The following ZMYM5 variants were observed in gnomAD, a reference collection of about 807,000 sequenced individuals.
The protein encoded by ZMYM5 is zinc finger MYM-type protein 5.
A neutral mutation model predicts 61.8 loss-of-function variants in ZMYM5; 41 were observed. The observed-to-expected ratio is 0.66, with a 90% CI of 0.52 to 0.86. ZMYM5 has a LOEUF of 0.86. ZMYM5 is among the 40% of genes least tolerant of loss of function. The pLI, the probability that ZMYM5 is intolerant of heterozygous loss-of-function variation, is 0.00. For synonymous variants in ZMYM5, 257 were observed against 276.4 expected, an observed-to-expected ratio of 0.93 and a Z score of 0.70; for missense variants, 706 against 786.7, an observed-to-expected ratio of 0.90 and a Z score of 1.23.
intron 5 of ZMYM5, among the ~76,000 whole-genome samples, chr13:19,838,203 CCT>C (rs1314297795): frequency 6.6e-6 from 1 of 152,058 alleles, no homozygotes; most frequent in Non-Finnish European, 1.5e-5. Flanking sequence ...ATGATGAAAC[CCT>C]GTCTCTACTA....
intron 6 of ZMYM5, 104 bp downstream of exon 6, chr13:19,837,552 T>C (rs1339562220): frequency 1.2e-6 from 2 of 1,608,382 alleles, no homozygotes; most frequent in African/African-American, 1.3e-5. Context: ...ATGTTATACA[T>C]CCAGAACACG....
intron 7 of ZMYM5, among the ~76,000 whole-genome samples, chr13:19,831,959 G>T (rs891816525): frequency 3.3e-5 from 5 of 151,102 alleles, no homozygotes; most frequent in Non-Finnish European, 7.4e-5. Flanking sequence ...AGGTTCAAGC[G>T]ATTCTCTTGC....
Position 19,825,098 on chromosome 13 carries a change from C to T in ZMYM5, c.1389G>A (p.Lys463=). Residue 463 remains lysine, a synonymous_variant, in exon 8 of 8, where the codon AAG becomes AAA. Coordinates refer to ENST00000337963, the MANE Select transcript of ZMYM5 (RefSeq NM_001142684.2). ...AAAGCTGTAGCTGTGAAGTCTTTTC[C>T]TTTTTTTCTGGGATTCCCTCTATTT... is the stretch of plus-strand genomic sequence containing the variant. The part of the protein sequence containing the change: ...LKKIEGIPEK[K]EKTSQLQLSV... 7.3e-7 allele frequency: 1 copy of T among 1,367,014 alleles called. No individual in the cohort carries two copies. Among genetic ancestry groups the T allele is most frequent in the Non-Finnish European group, 9.8e-7 (1 of 1,021,612 alleles). 84.7% of individuals were successfully genotyped at this position (1,367,014 alleles called of 1,614,324 possible).
Position 19,830,399 on chromosome 13 carries a change from G to A in ZMYM5, c.1251+5078C>T, listed in dbSNP as rs986006295. 5.3e-5 allele frequency among the ~76,000 whole-genome samples: 8 copies of A among 152,194 alleles called. No homozygotes were observed. In the South Asian group the frequency reaches 1.5e-3, roughly 28 times the overall value. On this transcript the variant is annotated intron_variant, in intron 7 of 7. Transcript: ENST00000337963. Reference sequence around the variant, plus strand: ...AATTAATTTATTATTTTTTGAGACAGGGTCTTACTCCGTTGCTCAGGTTGA... The same window carrying A: ...AATTAATTTATTATTTTTTGAGACAAGGTCTTACTCCGTTGCTCAGGTTGA...
intron 7 of ZMYM5, among the ~76,000 whole-genome samples, chr13:19,831,867 T>C (rs1891243095): frequency 6.6e-6 from 1 of 151,778 alleles, no homozygotes; most frequent in Non-Finnish European, 1.5e-5. Context: ...TTTCTTCTTT[T>C]GTTTTTGAGA....
chr13:19,849,325 C>A (rs1022921832), intron 4 of ZMYM5, among the ~76,000 whole-genome samples: 1 of 152,042 alleles, frequency 6.6e-6, no homozygotes, highest in Non-Finnish European at 1.5e-5. Flanking sequence ...GTCTTCGCTA[C>A]GTTACTGAGG....
Position 19,838,934 on chromosome 13 carries a change from C to A in ZMYM5, c.638G>T (p.Gly213Val), listed in dbSNP as rs1263930110. 2 of 1,613,958 alleles carry A rather than the reference C, an allele frequency of 1.2e-6. No homozygotes were observed. The highest frequency in any genetic ancestry group is 1.7e-6 in the Non-Finnish European group (2 of 1,180,030). Reference sequence around the variant, plus strand: ...GGCCACTGGTGATAAAGAATCCACCCCTGGCTGTTTCTGATTACTGGGAAA... The same window carrying A: ...GGCCACTGGTGATAAAGAATCCACCACTGGCTGTTTCTGATTACTGGGAAA... ...ASFPSNQKQP[G>V]VDSLSPVALL... Residue 213 changes from glycine (G) to valine (V), a missense_variant, in exon 5 of 8, where the codon GGG (glycine) becomes GTG (valine). By Grantham distance (109) the Gly-to-Val change is moderately radical. This residue lies in a region of ZMYM5 where 480 missense variants were observed against 461.7 expected (regional missense o/e 1.04). Coordinates refer to ENST00000337963, the MANE Select transcript of ZMYM5 (RefSeq NM_001142684.2).
In ZMYM5 at chr13:19,832,452, G is replaced by A. The variant is rs373167905; in HGVS notation, c.1251+3025C>T. ...AGTGATTCTCTTTCCTCAGCCTCCC[G>A]AGTAGTTGGGATTACAGGCACACAA... is the stretch of plus-strand genomic sequence containing the variant. On this transcript the variant is annotated intron_variant, in intron 7 of 7. Coordinates refer to ENST00000337963, the MANE Select transcript of ZMYM5 (RefSeq NM_001142684.2). 5.3e-5 allele frequency among the ~76,000 whole-genome samples: 8 copies of A among 151,782 alleles called. No homozygotes were observed. In the South Asian group the frequency reaches 1.0e-3, roughly 20 times the overall value.
At chr13:19,837,359 G>A (rs940142430) in intron 6 of ZMYM5, 130 of 1,287,392 alleles carry the variant, frequency 1.0e-4, no homozygotes, top group Non-Finnish European at 1.3e-4. Flanking sequence ...CAACTCTTGA[G>A]ACTACATTTT....
intron 7 of ZMYM5, among the ~76,000 whole-genome samples, chr13:19,827,478 A>C (rs1455477314): frequency 6.6e-6 from 1 of 152,202 alleles, no homozygotes; most frequent in Non-Finnish European, 1.5e-5. Context: ...TAATTGAAAC[A>C]ATGTGCTTAA....
intron 2 of ZMYM5, among the ~76,000 whole-genome samples, chr13:19,859,658 T>G (rs1482417429): frequency 1.3e-4 from 19 of 151,914 alleles, no homozygotes; most frequent in Admixed American, 1.1e-3. Flanking sequence ...CTGCCCACCT[T>G]GGCCTCCCAA....
At chr13:19,825,444 A>G (rs1890865266) in intron 7 of ZMYM5, among the ~76,000 whole-genome samples, 1 of 151,802 alleles carries the variant, frequency 6.6e-6, no homozygotes, top group African/African-American at 2.4e-5. Flanking sequence ...CAGGAGTTCG[A>G]GAACAAGTCT....
intron 2 of ZMYM5, 62 bp downstream of exon 2, chr13:19,862,337 C>T (rs1953798261): frequency 6.6e-6 from 1 of 151,846 alleles, no homozygotes. Flanking sequence ...AGGAAGAACA[C>T]CCTACTACTG....
chr13:19,856,130 A>G (rs924243070), intron 2 of ZMYM5, among the ~76,000 whole-genome samples: 14 of 152,344 alleles, frequency 9.2e-5, no homozygotes, highest in African/African-American at 3.4e-4. Flanking sequence ...ACACAAGACC[A>G]TAAGAAAATT....
intron 7 of ZMYM5, among the ~76,000 whole-genome samples, chr13:19,832,602 A>G (rs1221187769): frequency 6.6e-6 from 1 of 152,174 alleles, no homozygotes; most frequent in Non-Finnish European, 1.5e-5. Flanking sequence ...CATGGATTAC[A>G]GACATGAGCC....
At chr13:19,860,430 TTGTGTG>T (rs760244753) in intron 2 of ZMYM5, among the ~76,000 whole-genome samples, 2 of 133,594 alleles carry the variant, frequency 1.5e-5, no homozygotes, top group Admixed American at 1.5e-4. Flanking sequence ...CCGGCTAATT[TTGTGTG>T]TGTGTGTGTG....
intron 2 of ZMYM5, among the ~76,000 whole-genome samples, chr13:19,852,727 A>C (rs1483958601): frequency 6.6e-6 from 1 of 152,238 alleles, no homozygotes. Context: ...AGAAAATAAA[A>C]TTATCAAAAC....
chr13:19,825,726 C>T (rs186864625), intron 7 of ZMYM5, among the ~76,000 whole-genome samples: 1 of 151,692 alleles, frequency 6.6e-6, no homozygotes, highest in African/African-American at 2.4e-5. Flanking sequence ...CATACCACTT[C>T]ATATCCAAGA....
intron 6 of ZMYM5, among the ~76,000 whole-genome samples, chr13:19,837,175 C>T (rs1023147747): frequency 1.3e-5 from 2 of 151,970 alleles, no homozygotes; most frequent in East Asian, 3.9e-4. Context: ...TGCGCCACCA[C>T]ACCCAGCTAA....
Sources: allele counts gnomAD v4.1 joint callset (sites outside exome capture counted in the v4.1 genomes callset), GRCh38; gene constraint gnomAD v4.1.1; regional missense constraint gnomAD v4.1.1; transcripts MANE v1.5; gene names NCBI Gene and HGNC (gene_info 2026-07-23, HGNC 2026-07-21).